PLPPR1: variants seen among roughly 807,000 people sequenced by gnomAD.
PLPPR1 encodes the protein phospholipid phosphatase related 1.
PLPPR1 carries 10 observed loss-of-function variants against 33.1 expected under a neutral mutation model. The observed-to-expected ratio is 0.30, with a 90% confidence interval of 0.19 to 0.51. PLPPR1 has a LOEUF of 0.51. Ranked by LOEUF, PLPPR1 falls within the 20% of genes least tolerant of loss-of-function variation. The pLI is 0.97. For synonymous variants in PLPPR1, 151 were observed against 151.0 expected (o/e 1.00, Z 0.00); for missense variants, 304 against 408.1 (o/e 0.74, Z 2.20).
chr9:101,298,366 G>A (rs1481197206), intron 4 of PLPPR1, among the ~76,000 whole-genome samples: 1 of 152,118 alleles, frequency 6.6e-6, no homozygotes, highest in Non-Finnish European at 1.5e-5. Flanking sequence ...GGTAAACAGC[G>A]AATTCATGTA....
At chr9:101,163,759 G>A (rs1452036933) in intron 1 of PLPPR1, among the ~76,000 whole-genome samples, 1 of 152,164 alleles carries the variant, frequency 6.6e-6, no homozygotes, top group Non-Finnish European at 1.5e-5. Flanking sequence ...TTTATAGATA[G>A]TGGCACGGTC....
intron 1 of PLPPR1, among the ~76,000 whole-genome samples, chr9:101,066,233 G>C (rs1481962307): frequency 6.6e-6 from 1 of 151,960 alleles, no homozygotes; most frequent in Non-Finnish European, 1.5e-5. Flanking sequence ...TATGGATTTG[G>C]GGGATGAAAA....
At chr9:101,232,872 T>C (rs75950967) in intron 2 of PLPPR1, among the ~76,000 whole-genome samples, 11,226 of 152,010 alleles carry the variant, frequency 0.074, 1,351 homozygotes, top group African/African-American at 0.25. Context: ...GTCCGGTTGT[T>C]CATAGGTACC....
intron 3 of PLPPR1, among the ~76,000 whole-genome samples, chr9:101,278,939 T>C (rs998486956): frequency 6.6e-6 from 1 of 152,200 alleles, no homozygotes; most frequent in African/African-American, 2.4e-5. Context: ...GAATGGACTG[T>C]TGAAGAGCTT....
chr9:101,093,793 A>C (rs902812767), intron 1 of PLPPR1, among the ~76,000 whole-genome samples: 1 of 152,180 alleles, frequency 6.6e-6, no homozygotes, highest in South Asian at 2.1e-4. Context: ...CCCAGAATGC[A>C]TGATGACCAG....
At chr9:101,178,160 C>G (rs1397126389) in intron 1 of PLPPR1, among the ~76,000 whole-genome samples, 1 of 152,146 alleles carries the variant, frequency 6.6e-6, no homozygotes, top group Non-Finnish European at 1.5e-5. Context: ...TACCACTCAG[C>G]CTCTTTCCCC....
At chr9:101,169,692 A>G (rs1008358645) in intron 1 of PLPPR1, among the ~76,000 whole-genome samples, 7 of 152,022 alleles carry the variant, frequency 4.6e-5, no homozygotes, top group African/African-American at 1.7e-4. Flanking sequence ...GTTACATGTT[A>G]TCAAATGTTA....
intron 1 of PLPPR1, among the ~76,000 whole-genome samples, chr9:101,131,192 T>C (rs370173444): frequency 6.6e-6 from 1 of 152,210 alleles, no homozygotes; most frequent in East Asian, 1.9e-4. Context: ...AATGCCCTGG[T>C]ACAGCATTCT....
At chr9:101,041,971 A>T (rs1459403931) in intron 1 of PLPPR1, among the ~76,000 whole-genome samples, 1 of 152,200 alleles carries the variant, frequency 6.6e-6, no homozygotes, top group East Asian at 1.9e-4. Context: ...CTCTTAAAAG[A>T]TGTTAGCTTT....
intron 1 of PLPPR1, among the ~76,000 whole-genome samples, chr9:101,182,904 T>G (rs1017354483): frequency 6.6e-6 from 1 of 151,692 alleles, no homozygotes; most frequent in Non-Finnish European, 1.5e-5. Context: ...CTCAACATAA[T>G]TTTTTATTAG....
rs542487772 is a variant in PLPPR1, at chr9:101,237,190, G to A, written c.64-32690G>A. ...AACAATAGATGTTGGCTAGGATGTGGAGAAAAGAGAACACTTATACACTGT... is the reference window on the plus strand; with the variant it reads ...AACAATAGATGTTGGCTAGGATGTGAAGAAAAGAGAACACTTATACACTGT... On this transcript the variant is annotated intron_variant, in intron 2 of 7. Transcript: ENST00000374874. 4.0e-5 allele frequency among the ~76,000 whole-genome samples: 6 copies of A among 151,754 alleles called. No individual in the cohort carries two copies. The South Asian group carries it at 1.2e-3, about 31-fold the overall frequency.
At chr9:101,118,819 G>T (rs910365368) in intron 1 of PLPPR1, among the ~76,000 whole-genome samples, 10 of 151,256 alleles carry the variant, frequency 6.6e-5, no homozygotes, top group African/African-American at 2.4e-4. Context: ...TTTTTTCTAT[G>T]ACTATCTTTC....
rs532086703 is a variant in PLPPR1 at position 101,050,079 on chromosome 9, C to T, written c.-46+20977C>T. ...GGCGGAGGTTGCAGTGAGCCGAGAT[C>T]GTGCCACTGCACTCCAGCCTGCAAC... On this transcript the variant is annotated intron_variant, in intron 1 of 7. Transcript: ENST00000374874. 1.2e-4 allele frequency among the ~76,000 whole-genome samples: 16 copies of T among 138,094 alleles called. No homozygotes were observed. In the East Asian group the frequency reaches 2.1e-3, roughly 18 times the overall value. The allele number at this position is 138,094 out of a possible 152,430, so 90.6% of individuals were successfully genotyped here.
At chr9:101,047,327 A>G (rs1283937854) in intron 1 of PLPPR1, among the ~76,000 whole-genome samples, 1 of 152,146 alleles carries the variant, frequency 6.6e-6, no homozygotes, top group Non-Finnish European at 1.5e-5. Context: ...TGTCTTCCAT[A>G]CTTTCACATC....
chr9:101,168,812 T>C (rs962458113), intron 1 of PLPPR1, among the ~76,000 whole-genome samples: 1 of 152,170 alleles, frequency 6.6e-6, no homozygotes, highest in African/African-American at 2.4e-5. Flanking sequence ...CATTTTACAA[T>C]AGACTTCAAC....
intron 1 of PLPPR1, among the ~76,000 whole-genome samples, chr9:101,155,441 A>G (rs1564160454): frequency 6.6e-6 from 1 of 152,180 alleles, no homozygotes; most frequent in Non-Finnish European, 1.5e-5. Context: ...TATATGCAAG[A>G]GATTAAGGAG....
chr9:101,302,734 T>A (rs889987924), intron 4 of PLPPR1, among the ~76,000 whole-genome samples: 2 of 152,230 alleles, frequency 1.3e-5, no homozygotes, highest in Admixed American at 6.5e-5. Context: ...GGATAAGATT[T>A]TTTTATCATT....
intron 1 of PLPPR1, among the ~76,000 whole-genome samples, chr9:101,155,289 A>G (rs996613970): frequency 1.3e-5 from 2 of 152,148 alleles, no homozygotes; most frequent in African/African-American, 4.8e-5. Context: ...CTGTTATAAC[A>G]ATACCAGAGA....
At chr9:101,196,391 A>C (rs1459747368) in intron 2 of PLPPR1, among the ~76,000 whole-genome samples, 1 of 152,156 alleles carries the variant, frequency 6.6e-6, no homozygotes, top group Non-Finnish European at 1.5e-5. Flanking sequence ...CCAAAAGAAC[A>C]CTCCTAATAA....
Sources: gnomAD v4.1 joint callset for allele counts (sites outside exome capture counted in the v4.1 genomes callset) on GRCh38, gnomAD v4.1.1 for gene constraint, MANE v1.5 for transcripts, NCBI Gene and HGNC (gene_info 2026-07-23, HGNC 2026-07-21) for gene names.